Variants in ARHGEF7 observed in about 807,000 individuals in gnomAD.
The protein encoded by ARHGEF7 is PAK-interacting exchange factor beta.
In ARHGEF7, 33 loss-of-function variants were observed where a neutral mutation model predicts 109.8. That is an observed-to-expected ratio of 0.30 (90% CI 0.23 to 0.40). The LOEUF (loss-of-function observed/expected upper bound fraction) is 0.40. Among genes scored for constraint, ARHGEF7 ranks in the 10% least tolerant of loss-of-function variants. ARHGEF7 has a pLI of 1.00. For synonymous variants in ARHGEF7, 458 were observed against 424.6 expected, an observed-to-expected ratio of 1.08 and a Z score of -0.97; for missense variants, 938 against 1,098.5, an observed-to-expected ratio of 0.85 and a Z score of 2.07.
intron 4 of ARHGEF7, among the ~76,000 whole-genome samples, chr13:111,214,866 TAA>T (rs2082926883): frequency 6.6e-6 from 1 of 152,178 alleles, no homozygotes; most frequent in African/African-American, 2.4e-5. Context: ...TTTAAATAGA[TAA>T]GTATTAAATA....
intron 19 of ARHGEF7, chr13:111,295,011 G>A (rs1567121020): frequency 2.0e-6 from 2 of 985,614 alleles, no homozygotes; most frequent in African/African-American, 3.5e-5. Flanking sequence ...ATCTGTGAAT[G>A]GGAAAAGCCA....
At position 111,179,389 on chromosome 13, in the gene ARHGEF7, C is replaced by T. The variant is rs190976218; in HGVS notation, c.252+25398C>T. On this transcript the variant is annotated intron_variant, in intron 2 of 21. Coordinates refer to ENST00000646102, the MANE Select transcript of ARHGEF7 (RefSeq NM_001354046.2). ...ATGAGCCACTGCACCCGGCCTCAAACGCCTGTTTCTGTTTTATTTTGCCAA... is the reference window on the plus strand; with the variant it reads ...ATGAGCCACTGCACCCGGCCTCAAATGCCTGTTTCTGTTTTATTTTGCCAA... Among the ~76,000 whole-genome samples, 13 of 152,196 alleles carry T rather than the reference C, an allele frequency of 8.5e-5. No homozygotes were observed. The South Asian group carries it at 1.2e-3, about 15-fold the overall frequency.
At chr13:111,275,913 G>A (rs1054464479) in intron 12 of ARHGEF7, 60 of 509,666 alleles carry the variant, frequency 1.2e-4, no homozygotes, top group African/African-American at 8.7e-4. Context: ...AGTGTGGCCC[G>A]AAGCCCACGT....
intron 19 of ARHGEF7, chr13:111,295,021 A>C (rs1374895484): frequency 1.0e-6 from 1 of 985,728 alleles, no homozygotes; most frequent in Non-Finnish European, 1.2e-6. Context: ...GGGAAAAGCC[A>C]TTTTTAGTAG....
At chr13:111,265,448 T>C in intron 8 of ARHGEF7, 1 of 392,376 alleles carries the variant, frequency 2.5e-6, no homozygotes, top group African/African-American at 2.1e-5. Flanking sequence ...CTAATACTTG[T>C]GACTTGCTGA....
At chr13:111,193,453 G>A (rs1294956476) in intron 2 of ARHGEF7, among the ~76,000 whole-genome samples, 1 of 152,158 alleles carries the variant, frequency 6.6e-6, no homozygotes, top group Non-Finnish European at 1.5e-5. Flanking sequence ...CACCTCCTTG[G>A]GTTTTTGCAC....
intron 5 of ARHGEF7, among the ~76,000 whole-genome samples, chr13:111,219,184 C>T (rs1411624803): frequency 1.3e-5 from 2 of 152,198 alleles, no homozygotes; most frequent in Non-Finnish European, 2.9e-5. Flanking sequence ...TTCCCCTCCC[C>T]AGCCCCTGCC....
At chr13:111,283,477 G>A in intron 16 of ARHGEF7, 114 bp downstream of exon 16, 1 of 1,431,742 alleles carries the variant, frequency 7.0e-7, no homozygotes, top group Non-Finnish European at 9.2e-7. Flanking sequence ...AACTCCTAGA[G>A]AACTGAGAAG....
intron 2 of ARHGEF7, among the ~76,000 whole-genome samples, chr13:111,156,578 C>T (rs1109827): frequency 0.18 from 27,418 of 152,254 alleles, 2,629 homozygotes; most frequent in South Asian, 0.21. Context: ...GTATGCTATG[C>T]ATCCAGCTCT....
intron 5 of ARHGEF7, among the ~76,000 whole-genome samples, chr13:111,221,559 CTATA>C (rs199557072): frequency 1.9e-5 from 1 of 52,804 alleles, no homozygotes; most frequent in African/African-American, 6.2e-5. Context: ...ATCTATATAT[CTATA>C]TATATAGATA....
chr13:111,258,251 A>G lies in ARHGEF7; in HGVS notation c.951-9297A>G, dbSNP rs532976362. On this transcript the variant is annotated intron_variant, in intron 8 of 21. Coordinates refer to ENST00000646102, the MANE Select transcript of ARHGEF7 (RefSeq NM_001354046.2). This position sits in a 1 kb window ranked among gnomAD's most constrained non-coding sequence, Gnocchi z 4.4. ...AGTGCAGCCTGCAGCTCCAGGAGAG[A>G]CTCCTCCCACAACCACAGGCAGTGC... 5.2e-3 allele frequency among the ~76,000 whole-genome samples: 737 copies of G among 142,430 alleles called. 1 individual carries two copies. Among genetic ancestry groups the G allele is most frequent in the Non-Finnish European group, 8.8e-3 (574 of 65,494 alleles). The allele number at this position is 142,430 out of a possible 152,430, so 93.4% of individuals were successfully genotyped here.
intron 9 of ARHGEF7, among the ~76,000 whole-genome samples, chr13:111,268,485 C>T (rs1181561494): frequency 1.3e-5 from 2 of 152,122 alleles, no homozygotes; most frequent in African/African-American, 2.4e-5. Context: ...AAGATAAATG[C>T]CATTGTCTTT....
intron 5 of ARHGEF7, among the ~76,000 whole-genome samples, chr13:111,232,082 G>A (rs1355527930): frequency 6.6e-6 from 1 of 151,916 alleles, no homozygotes; most frequent in African/African-American, 2.4e-5. Flanking sequence ...AGACCTATCT[G>A]CCCACCCCCT....
intron 8 of ARHGEF7, among the ~76,000 whole-genome samples, chr13:111,250,470 G>A (rs551629172): frequency 1.3e-5 from 2 of 152,306 alleles, no homozygotes; most frequent in East Asian, 3.9e-4. Context: ...ACCTTCTTAC[G>A]AAAGAAATCA....
chr13:111,303,118 T>C lies in ARHGEF7; in HGVS notation c.*5T>C, dbSNP rs1555751. The C allele has an allele frequency of 0.93, 1,504,093 of 1,611,232 alleles. 702,264 individuals are homozygous for C. The highest frequency in any genetic ancestry group is 0.96 in the Middle Eastern group (5,736 of 5,954). On this transcript the variant is annotated 3_prime_UTR_variant, in exon 22 of 22. Transcript: ENST00000646102. Reference sequence around the variant, plus strand: ...TGGGATGAGACCAATCTATAAGGGATGTCCTCAGTTCTTTCTGTTGAAGAC... The same window carrying C: ...TGGGATGAGACCAATCTATAAGGGACGTCCTCAGTTCTTTCTGTTGAAGAC...
intron 8 of ARHGEF7, among the ~76,000 whole-genome samples, chr13:111,256,810 C>T (rs568017980): frequency 6.6e-6 from 1 of 152,252 alleles, no homozygotes; most frequent in African/African-American, 2.4e-5. Flanking sequence ...GGTGTCTGTG[C>T]GCTAACCTAA....
intron 1 of ARHGEF7, chr13:111,153,540 T>C: frequency 1.2e-6 from 1 of 840,300 alleles, no homozygotes; most frequent in Non-Finnish European, 1.5e-6. Flanking sequence ...CCAGAGGAGG[T>C]GGCAGCTCGC....
chr13:111,241,273 G>A, intron 6 of ARHGEF7: 1 of 1,536,186 alleles, frequency 6.5e-7, no homozygotes, highest in Non-Finnish European at 8.7e-7. Context: ...CGTCCAGGCT[G>A]TGAGGTCTCA....
intron 19 of ARHGEF7, among the ~76,000 whole-genome samples, chr13:111,299,079 A>AT (rs374506566): frequency 2.2e-4 from 34 of 152,112 alleles, no homozygotes; most frequent in Admixed American, 7.2e-4. Context: ...CAGTGTCTTG[A>AT]TTTTGTTCAG....
Sources: allele counts gnomAD v4.1 joint callset (sites outside exome capture counted in the v4.1 genomes callset), GRCh38; gene constraint gnomAD v4.1.1; non-coding constraint Gnocchi (gnomAD v3.1); transcripts MANE v1.5; gene names NCBI Gene and HGNC (gene_info 2026-07-23, HGNC 2026-07-21).